The following SMIM24 variants were observed in gnomAD, a reference collection of about 807,000 sequenced individuals.
The protein encoded by SMIM24 is small integral membrane protein 24.
SMIM24 carries 6 observed loss-of-function variants against 10.8 expected under a neutral mutation model. The ratio of observed to expected loss-of-function variants is 0.55; its 90% CI spans 0.30 to 1.09. The LOEUF is 1.09. SMIM24 is among the 50% of genes least tolerant of loss of function. The pLI, the probability that SMIM24 is intolerant of heterozygous loss-of-function variation, is 0.06. For missense variants in SMIM24, 151 were observed against 153.4 expected, an observed-to-expected ratio of 0.98 and a Z score of 0.08; for synonymous variants, 71 against 62.4, an observed-to-expected ratio of 1.14 and a Z score of -0.65.
rs1568214626 is a variant in SMIM24 at position 3,474,142 on chromosome 19, C to T, written c.*701G>A. 6.6e-6 allele frequency: 1 copy of T among 151,510 alleles called. No homozygotes were observed. Among genetic ancestry groups the T allele is most frequent in the Admixed American group, 6.6e-5 (1 of 15,108 alleles). 9.4% of individuals were successfully genotyped at this position (151,510 alleles called of 1,614,324 possible). ...ACCCCCACCCTCCAAGATACAGCTC[C>T]CAGGAAAAAAGTCACGTGCCCCAAA... On this transcript the variant is annotated 3_prime_UTR_variant, in exon 4 of 4. Coordinates refer to ENST00000215531, the MANE Select transcript of SMIM24 (RefSeq NM_001136503.2).
At chr19:3,480,359 C>A (rs1354535954) in intron 1 of SMIM24, 38 bp downstream of exon 1, 1 of 1,457,692 alleles carries the variant, frequency 6.9e-7, no homozygotes. Context: ...ACCAACTCCC[C>A]TATCCCGCGA....
In SMIM24 at chr19:3,479,441, G is replaced by C. The variant is rs144793921; in HGVS notation, c.68-512C>G. Among the ~76,000 whole-genome samples the C allele has an allele frequency of 6.6e-5, 10 of 150,550 alleles. No homozygotes were observed. In the East Asian group the frequency reaches 9.9e-4, roughly 15 times the overall value. On this transcript the variant is annotated intron_variant, in intron 1 of 3. Transcript: ENST00000215531. Reference sequence around the variant, plus strand: ...GGGGCTTACAACAGAGGAGCTGTTGGGGGGAGCTTATAAAAGGAGGCAGAG... The same window carrying C: ...GGGGCTTACAACAGAGGAGCTGTTGCGGGGAGCTTATAAAAGGAGGCAGAG...
At chr19:3,475,778 G>A (rs190094698) in intron 3 of SMIM24, among the ~76,000 whole-genome samples, 3 of 151,760 alleles carry the variant, frequency 2.0e-5, no homozygotes, top group South Asian at 4.2e-4. Flanking sequence ...CTGAGTTGGC[G>A]AATGAATGGA....
At chr19:3,475,244 C>T (rs1238177052) in intron 3 of SMIM24, among the ~76,000 whole-genome samples, 2 of 150,898 alleles carry the variant, frequency 1.3e-5, no homozygotes, top group Non-Finnish European at 3.0e-5. Context: ...TCCCTGTTGC[C>T]TCTTGGGACT....
In SMIM24 at chr19:3,480,438, AC is replaced by A; in HGVS notation, c.25del (p.Val9CysfsTer20). The A allele has an allele frequency of 1.3e-6, 2 of 1,539,870 alleles. No homozygotes were observed. The highest frequency in any genetic ancestry group is 8.8e-7 in the Non-Finnish European group (1 of 1,142,482). On this transcript the variant is annotated frameshift_variant, in exon 1 of 4. Transcript: ENST00000215531. LOFTEE classifies it high-confidence loss of function. ...CGGGGAGAGGAGCAGAAACTCCAGCACCAGAAGGGCCCCCAGGGTCTCCATG... is the reference window on the plus strand; with the variant it reads ...CGGGGAGAGGAGCAGAAACTCCAGCACAGAAGGGCCCCCAGGGTCTCCATG... METLGALL[V>X]LEFLLLSPVE... is the part of the protein sequence containing the mutation.
chr19:3,478,353 C>T (rs2060990779), intron 3 of SMIM24, 66 bp downstream of exon 3: 12 of 1,432,302 alleles, frequency 8.4e-6, no homozygotes, highest in South Asian at 1.3e-5. Flanking sequence ...AGGTCATCTG[C>T]GCACACCCAT....
intron 1 of SMIM24, 99 bp downstream of exon 1, chr19:3,480,298 G>T: frequency 8.3e-7 from 1 of 1,201,222 alleles, no homozygotes; most frequent in Non-Finnish European, 1.2e-6. Flanking sequence ...TTTTCTTCCT[G>T]CCCCCTCTCC....
At chr19:3,479,499 C>T (rs1336138443) in intron 1 of SMIM24, among the ~76,000 whole-genome samples, 1 of 136,834 alleles carries the variant, frequency 7.3e-6, no homozygotes, top group Non-Finnish European at 1.6e-5. Flanking sequence ...AGGAGGAGCT[C>T]AGAGGGGAGG....
chr19:3,478,308 A>C (rs753096734), intron 3 of SMIM24, 111 bp downstream of exon 3: 11 of 1,020,460 alleles, frequency 1.1e-5, no homozygotes, highest in Non-Finnish European at 1.5e-5. Flanking sequence ...TGAAGATCCC[A>C]GGGCAGGAAT....
intron 1 of SMIM24, among the ~76,000 whole-genome samples, chr19:3,480,185 C>T (rs2082812512): frequency 1.6e-5 from 1 of 61,086 alleles, no homozygotes; most frequent in African/African-American, 7.3e-5. Context: ...GGGAAAGGCT[C>T]GGGTGGGCGG....
chr19:3,478,619 G>C, intron 2 of SMIM24, 141 bp from the exon 3 acceptor site: 1 of 932,220 alleles, frequency 1.1e-6, no homozygotes, highest in Non-Finnish European at 1.6e-6. Context: ...AGGAAGGGCT[G>C]GGCTGCCTGG....
At chr19:3,479,422 T>C (rs2082807675) in intron 1 of SMIM24, among the ~76,000 whole-genome samples, 1 of 124,236 alleles carries the variant, frequency 8.0e-6, no homozygotes, top group Non-Finnish European at 1.6e-5. Flanking sequence ...GGTTGGGGCT[T>C]ACAACAGAGG....
chr19:3,474,818 G>A lies in SMIM24; in HGVS notation c.*25C>T. The A allele has an allele frequency of 1.3e-6, 2 of 1,548,988 alleles. No individual in the cohort carries two copies. Among genetic ancestry groups the A allele is most frequent in the Non-Finnish European group, 1.7e-6 (2 of 1,146,266 alleles). On this transcript the variant is annotated 3_prime_UTR_variant, in exon 4 of 4. Transcript: ENST00000215531. ...GCAGAAGAGGCATCTCTGGGGGACT[G>A]CCTGGAAGAGGCAGCCAGGAATCTT...
intron 3 of SMIM24, among the ~76,000 whole-genome samples, chr19:3,475,772 G>C (rs2082789794): frequency 6.6e-6 from 1 of 151,692 alleles, no homozygotes; most frequent in Non-Finnish European, 1.5e-5. Flanking sequence ...GGGTGACTGA[G>C]TTGGCGAATG....
At chr19:3,479,096 A>T in intron 1 of SMIM24, 167 bp from the exon 2 acceptor site, 125 of 178,554 alleles carry the variant, frequency 7.0e-4, no homozygotes, top group Middle Eastern at 2.1e-3. Context: ...GGGGGTCGGG[A>T]GGGTTTAGAG....
Position 3,474,813 on chromosome 19 carries a change from G to T in SMIM24, c.*30C>A. ...AGGGGGCAGAAGAGGCATCTCTGGGGGACTGCCTGGAAGAGGCAGCCAGGA... is the reference window on the plus strand; with the variant it reads ...AGGGGGCAGAAGAGGCATCTCTGGGTGACTGCCTGGAAGAGGCAGCCAGGA... On this transcript the variant is annotated 3_prime_UTR_variant, in exon 4 of 4. Transcript: ENST00000215531. The T allele has an allele frequency of 1.3e-6, 2 of 1,547,156 alleles. No individual in the cohort carries two copies. The highest frequency in any genetic ancestry group is 1.7e-6 in the Non-Finnish European group (2 of 1,145,528).
rs994185688 is a variant in SMIM24 at position 3,474,608 on chromosome 19, A to G, written c.*235T>C. 2.1e-5 allele frequency: 11 copies of G among 533,036 alleles called. No homozygotes were observed. Among genetic ancestry groups the G allele is most frequent in the Admixed American group, 3.3e-5 (1 of 29,940 alleles). 33.0% of individuals were successfully genotyped at this position (533,036 alleles called of 1,614,324 possible). On this transcript the variant is annotated 3_prime_UTR_variant, in exon 4 of 4. Transcript: ENST00000215531. ...TCAACCAGGGATGCTCTCCGAGTAT[A>G]AGAAGAATCACCAGGCAGGGACCAA...
At chr19:3,478,632 C>G (rs1218306226) in intron 2 of SMIM24, 154 bp from the exon 3 acceptor site, 1 of 907,590 alleles carries the variant, frequency 1.1e-6, no homozygotes, top group African/African-American at 1.7e-5. Context: ...CTGCCTGGCT[C>G]GTTGTCTTGG....
In SMIM24 at chr19:3,478,317, A is replaced by G; in HGVS notation, c.239+102T>C. 2.8e-6 allele frequency: 3 copies of G among 1,081,408 alleles called. No homozygotes were observed. In the South Asian group the frequency reaches 4.7e-5, roughly 17 times the overall value. 67.0% of individuals were successfully genotyped at this position (1,081,408 alleles called of 1,614,324 possible). On this transcript the variant is annotated intron_variant, in intron 3 of 3. Coordinates refer to ENST00000215531, the MANE Select transcript of SMIM24 (RefSeq NM_001136503.2). ...GAAAGGTGAAGATCCCAGGGCAGGA[A>G]TGTGTTTGAAGGATTCAGGACAGCA... is the stretch of plus-strand genomic sequence containing the variant.
Sources: gnomAD v4.1 joint callset for allele counts (sites outside exome capture counted in the v4.1 genomes callset) on GRCh38, gnomAD v4.1.1 for gene constraint, MANE v1.5 for transcripts, NCBI Gene and HGNC (gene_info 2026-07-23, HGNC 2026-07-21) for gene names.